The following KCNMB2 variants were observed in gnomAD, a reference collection of about 807,000 sequenced individuals.
The protein encoded by KCNMB2 is potassium calcium-activated channel subfamily M regulatory beta subunit 2.
In KCNMB2, 9 loss-of-function variants were observed where a neutral mutation model predicts 24.5. The ratio of observed to expected loss-of-function variants is 0.37; its 90% CI spans 0.22 to 0.64. The LOEUF (loss-of-function observed/expected upper bound fraction) is 0.64, where lower values mean the gene tolerates loss of function less well. Ranked by LOEUF, KCNMB2 falls within the 30% of genes least tolerant of loss-of-function variation. The pLI, the probability that KCNMB2 is intolerant of heterozygous loss-of-function variation, is 0.63. For synonymous variants in KCNMB2, 109 were observed against 104.4 expected (o/e 1.04, Z -0.27); for missense variants, 226 against 284.3 (o/e 0.79, Z 1.47).
At chr3:178,805,759 A>T (rs747404702) in intron 1 of KCNMB2, among the ~76,000 whole-genome samples, 2 of 152,002 alleles carry the variant, frequency 1.3e-5, no homozygotes, top group Non-Finnish European at 2.9e-5. Context: ...CCTCCCGAGT[A>T]GCTGGAACTA....
chr3:178,646,590 T>C lies in KCNMB2; in HGVS notation c.-68+109879T>C, dbSNP rs1719932121. Among the ~76,000 whole-genome samples, 3 of 152,316 alleles carry C rather than the reference T, an allele frequency of 2.0e-5. No homozygotes were observed. In the South Asian group the frequency reaches 6.2e-4, roughly 32 times the overall value. On this transcript the variant is annotated intron_variant, in intron 1 of 4. Coordinates refer to ENST00000452583, the MANE Select transcript of KCNMB2 (RefSeq NM_181361.3). Reference sequence around the variant, plus strand: ...CACTCACTGTAAAGAAGTAAGAACCTGCTATTGTAAGCGAGGCTGAAACAA... The same window carrying C: ...CACTCACTGTAAAGAAGTAAGAACCCGCTATTGTAAGCGAGGCTGAAACAA...
intron 1 of KCNMB2, among the ~76,000 whole-genome samples, chr3:178,692,287 C>T (rs771220432): frequency 3.3e-5 from 5 of 152,118 alleles, no homozygotes; most frequent in Non-Finnish European, 7.4e-5. Context: ...GTTGCAATTG[C>T]TTTTAGCATC....
intron 1 of KCNMB2, among the ~76,000 whole-genome samples, chr3:178,683,078 G>C (rs777741259): frequency 1.3e-5 from 2 of 152,022 alleles, no homozygotes; most frequent in African/African-American, 2.4e-5. Context: ...CAAAGACATG[G>C]AATCAACCAT....
chr3:178,683,806 G>C (rs1721359099), intron 1 of KCNMB2, among the ~76,000 whole-genome samples: 1 of 152,232 alleles, frequency 6.6e-6, no homozygotes, highest in Admixed American at 6.5e-5. Context: ...AAGTCAAAAG[G>C]TAAATATTGG....
At chr3:178,756,762 C>A (rs993840825) in intron 1 of KCNMB2, among the ~76,000 whole-genome samples, 2 of 152,088 alleles carry the variant, frequency 1.3e-5, no homozygotes, top group African/African-American at 4.8e-5. Context: ...CCAATTTCCT[C>A]TTTCTTTCTC....
At chr3:178,737,145 C>T (rs1382761531) in intron 1 of KCNMB2, among the ~76,000 whole-genome samples, 2 of 152,146 alleles carry the variant, frequency 1.3e-5, no homozygotes, top group Non-Finnish European at 2.9e-5. Context: ...CGGTGCCCAC[C>T]TGTAATCCCA....
rs529831218 is a variant in KCNMB2, at chr3:178,568,909, T to C, written c.-68+32198T>C. ...ATAGATAGATAGATAGATGGATAGA[T>C]AGACTGAACTAGGACCTTGGTTTAA... On this transcript the variant is annotated intron_variant, in intron 1 of 4. Coordinates refer to ENST00000452583, the MANE Select transcript of KCNMB2 (RefSeq NM_181361.3). Among the ~76,000 whole-genome samples, 531 of 151,650 alleles carry C rather than the reference T, an allele frequency of 3.5e-3. 3 individuals are homozygous for C. The highest frequency in any genetic ancestry group is 0.012 in the African/African-American group (508 of 41,234).
At chr3:178,545,580 G>A (rs762921843) in intron 1 of KCNMB2, among the ~76,000 whole-genome samples, 1 of 152,224 alleles carries the variant, frequency 6.6e-6, no homozygotes, top group Non-Finnish European at 1.5e-5. Flanking sequence ...TTTATGAGAA[G>A]GATAGAGAAG....
chr3:178,581,080 C>A (rs1475334650), intron 1 of KCNMB2, among the ~76,000 whole-genome samples: 4 of 152,084 alleles, frequency 2.6e-5, no homozygotes, highest in South Asian at 2.1e-4. Flanking sequence ...AGCAAAAGAA[C>A]AAAGCTGGAG....
At chr3:178,828,832 A>G (rs1409827604) in intron 4 of KCNMB2, among the ~76,000 whole-genome samples, 7 of 152,148 alleles carry the variant, frequency 4.6e-5, no homozygotes, top group Non-Finnish European at 8.8e-5. Flanking sequence ...TTCTCTAAAA[A>G]GTAACAAATG....
intron 1 of KCNMB2, among the ~76,000 whole-genome samples, chr3:178,734,636 T>C (rs1020320583): frequency 6.6e-6 from 1 of 152,214 alleles, no homozygotes; most frequent in African/African-American, 2.4e-5. Context: ...CACTTGCCTG[T>C]GTTCAAAGAA....
chr3:178,652,297 A>G (rs895708154), intron 1 of KCNMB2, among the ~76,000 whole-genome samples: 3 of 152,142 alleles, frequency 2.0e-5, no homozygotes, highest in African/African-American at 7.2e-5. Flanking sequence ...GGAGGGGATC[A>G]TTGCACACTG....
At chr3:178,639,039 A>T (rs1719629934) in intron 1 of KCNMB2, among the ~76,000 whole-genome samples, 1 of 152,102 alleles carries the variant, frequency 6.6e-6, no homozygotes, top group South Asian at 2.1e-4. Flanking sequence ...TGTTTGTTTT[A>T]TCGGTTTTAG....
At position 178,823,859 on chromosome 3, in the gene KCNMB2, T is replaced by C. The variant is rs183248580; in HGVS notation, c.57-1729T>C. ...CAACAAGAGCGATTAGCCATAAAAA[T>C]TTGAATGAAAAATCTGAAGTTATTC... On this transcript the variant is annotated intron_variant, in intron 2 of 4. Coordinates refer to ENST00000452583, the MANE Select transcript of KCNMB2 (RefSeq NM_181361.3). Among the ~76,000 whole-genome samples the C allele has an allele frequency of 9.8e-4, 150 of 152,308 alleles. 1 individual carries two copies. Among genetic ancestry groups the C allele is most frequent in the African/African-American group, 3.5e-3 (146 of 41,578 alleles).
At chr3:178,665,232 G>A (rs1296587481) in intron 1 of KCNMB2, among the ~76,000 whole-genome samples, 1 of 152,108 alleles carries the variant, frequency 6.6e-6, no homozygotes, top group African/African-American at 2.4e-5. Context: ...GGATTCATTT[G>A]AGAGAGAAGT....
At chr3:178,673,305 C>T (rs1720967772) in intron 1 of KCNMB2, among the ~76,000 whole-genome samples, 1 of 152,054 alleles carries the variant, frequency 6.6e-6, no homozygotes, top group African/African-American at 2.4e-5. Flanking sequence ...CTCAAGTGGG[C>T]CTAAGGGAAA....
intron 1 of KCNMB2, among the ~76,000 whole-genome samples, chr3:178,797,813 A>G (rs539849149): frequency 2.0e-5 from 3 of 152,166 alleles, no homozygotes; most frequent in Non-Finnish European, 4.4e-5. Flanking sequence ...GATTTCCTTG[A>G]GCAGTGGTTT....
intron 1 of KCNMB2, among the ~76,000 whole-genome samples, chr3:178,744,405 T>C (rs945662888): frequency 1.3e-5 from 2 of 152,226 alleles, no homozygotes; most frequent in Non-Finnish European, 2.9e-5. Flanking sequence ...TTGAAAGAAA[T>C]AGTTATATCA....
chr3:178,806,748 A>G (rs1560029257), intron 1 of KCNMB2, among the ~76,000 whole-genome samples: 1 of 151,908 alleles, frequency 6.6e-6, no homozygotes, highest in Non-Finnish European at 1.5e-5. Context: ...TCTTGACTCT[A>G]GAGCCTATAA....
Sources: gnomAD v4.1 joint callset for allele counts (sites outside exome capture counted in the v4.1 genomes callset) on GRCh38, gnomAD v4.1.1 for gene constraint, MANE v1.5 for transcripts, NCBI Gene and HGNC (gene_info 2026-07-23, HGNC 2026-07-21) for gene names.